The following FSTL5 variants were observed in gnomAD, a reference collection of about 807,000 sequenced individuals.
FSTL5 encodes follistatin like 5.
FSTL5 carries 62 observed loss-of-function variants against 89.1 expected under a neutral mutation model. The observed-to-expected ratio is 0.70, with a 90% CI of 0.57 to 0.86. FSTL5 has a LOEUF of 0.86. Ranked by LOEUF, FSTL5 falls within the 40% of genes least tolerant of loss-of-function variation. The pLI is 0.00. For missense variants in FSTL5, 1,057 were observed against 1,001.6 expected, an observed-to-expected ratio of 1.06 and a Z score of -0.75; for synonymous variants, 383 against 346.2, an observed-to-expected ratio of 1.11 and a Z score of -1.18.
At chr4:161,661,120 T>C (rs1736693606) in intron 6 of FSTL5, among the ~76,000 whole-genome samples, 1 of 151,820 alleles carries the variant, frequency 6.6e-6, no homozygotes, top group Admixed American at 6.6e-5. Context: ...AAAAACGAAA[T>C]ATTATGAATA....
At chr4:161,547,109 G>C (rs1412334402) in intron 8 of FSTL5, among the ~76,000 whole-genome samples, 4 of 152,172 alleles carry the variant, frequency 2.6e-5, no homozygotes, top group Admixed American at 6.6e-5. Flanking sequence ...AAGGGGCAGA[G>C]AGAGGCCCCA....
At chr4:161,650,261 A>C (rs1220526866) in intron 7 of FSTL5, among the ~76,000 whole-genome samples, 1 of 152,216 alleles carries the variant, frequency 6.6e-6, no homozygotes, top group Non-Finnish European at 1.5e-5. Flanking sequence ...TATAAGCCAC[A>C]TTATCATTCG....
At chr4:162,043,439 C>T (rs1444786657) in intron 2 of FSTL5, 1 of 152,062 alleles carries the variant, frequency 6.6e-6, no homozygotes, top group Non-Finnish European at 1.5e-5. Flanking sequence ...TACTTTATTG[C>T]TAAAAAATGC....
rs1485915296 is a variant in FSTL5, at chr4:161,403,607, A to C, written c.1842-17158T>G. ...TTCAGGTTTTATAATAGAAAATTGCACATATGTCTTCTCCAGCAAGAGGGA... is the reference window on the plus strand; with the variant it reads ...TTCAGGTTTTATAATAGAAAATTGCCCATATGTCTTCTCCAGCAAGAGGGA... On this transcript the variant is annotated intron_variant, in intron 15 of 15. Coordinates refer to ENST00000306100, the MANE Select transcript of FSTL5 (RefSeq NM_020116.5). 5.9e-5 allele frequency among the ~76,000 whole-genome samples: 9 copies of C among 152,332 alleles called. No homozygotes were observed. The East Asian group carries it at 1.7e-3, about 29-fold the overall frequency.
chr4:161,720,037 C>T (rs1479053159), intron 6 of FSTL5, among the ~76,000 whole-genome samples: 1 of 151,956 alleles, frequency 6.6e-6, no homozygotes, highest in Non-Finnish European at 1.5e-5. Flanking sequence ...GGCAACAAAG[C>T]AACAATAGAC....
intron 10 of FSTL5, among the ~76,000 whole-genome samples, chr4:161,532,154 G>A (rs1731433535): frequency 6.6e-6 from 1 of 150,980 alleles, no homozygotes; most frequent in Non-Finnish European, 1.5e-5. Context: ...ACAGTGAGCG[G>A]AGATCACGCC....
intron 3 of FSTL5, among the ~76,000 whole-genome samples, chr4:162,023,762 TAGAACTGGGACATCAA>T (rs1220584960): frequency 3.3e-5 from 5 of 152,174 alleles, no homozygotes; most frequent in Non-Finnish European, 7.3e-5. Context: ...AGGTCCATCA[TAGAACTGGGACATCAA>T]AGGATTTGCT....
chr4:162,161,001 C>T (rs1448410852), intron 1 of FSTL5, among the ~76,000 whole-genome samples: 1 of 151,772 alleles, frequency 6.6e-6, no homozygotes, highest in Non-Finnish European at 1.5e-5. Context: ...GATCGATAAC[C>T]CTCAAGAGGT....
chr4:162,092,203 T>A (rs1579020550), intron 2 of FSTL5, among the ~76,000 whole-genome samples: 1 of 152,162 alleles, frequency 6.6e-6, no homozygotes, highest in East Asian at 1.9e-4. Context: ...AATTTTTTAT[T>A]GAAATGTACC....
At chr4:162,098,752 G>T (rs1016386686) in intron 2 of FSTL5, among the ~76,000 whole-genome samples, 1 of 151,966 alleles carries the variant, frequency 6.6e-6, no homozygotes, top group Non-Finnish European at 1.5e-5. Flanking sequence ...CATAATGAGA[G>T]TCCAGAAATA....
chr4:161,862,936 TCTC>T (rs1476533415), intron 4 of FSTL5, among the ~76,000 whole-genome samples: 7 of 152,108 alleles, frequency 4.6e-5, no homozygotes, highest in South Asian at 2.1e-4. Context: ...TATAAAATAT[TCTC>T]CTCATCAAAT....
intron 7 of FSTL5, among the ~76,000 whole-genome samples, chr4:161,648,783 T>A (rs556136419): frequency 6.6e-6 from 1 of 152,314 alleles, no homozygotes; most frequent in African/African-American, 2.4e-5. Flanking sequence ...TTAGCAATAC[T>A]AAAAAGCTGT....
At chr4:161,585,115 G>A (rs549748025) in intron 8 of FSTL5, among the ~76,000 whole-genome samples, 1 of 152,256 alleles carries the variant, frequency 6.6e-6, no homozygotes, top group Admixed American at 6.5e-5. Context: ...ATTCATGGGA[G>A]GGGATGAAAC....
intron 2 of FSTL5, among the ~76,000 whole-genome samples, chr4:162,083,899 G>A (rs1000439444): frequency 3.3e-5 from 5 of 151,552 alleles, no homozygotes; most frequent in Admixed American, 6.6e-5. Flanking sequence ...AAAATTGACT[G>A]GCATGACTAC....
chr4:161,759,302 A>T, intron 6 of FSTL5, 109 bp downstream of exon 6: 2 of 1,025,430 alleles, frequency 2.0e-6, no homozygotes, highest in Non-Finnish European at 2.8e-6. Flanking sequence ...AAATTATATA[A>T]TTTTTCTTAA....
intron 3 of FSTL5, among the ~76,000 whole-genome samples, chr4:162,029,232 C>G (rs1737423887): frequency 6.7e-6 from 1 of 149,274 alleles, no homozygotes; most frequent in African/African-American, 2.5e-5. Flanking sequence ...ATTTATTGTC[C>G]CAAATACACA....
At chr4:162,009,879 A>G (rs1736711657) in intron 3 of FSTL5, among the ~76,000 whole-genome samples, 1 of 152,016 alleles carries the variant, frequency 6.6e-6, no homozygotes, top group African/African-American at 2.4e-5. Context: ...AGCTATAAAG[A>G]TGAAATATAG....
chr4:161,529,195 T>C (rs1731328968), intron 10 of FSTL5, among the ~76,000 whole-genome samples: 1 of 143,372 alleles, frequency 7.0e-6, no homozygotes, highest in Non-Finnish European at 1.5e-5. Flanking sequence ...TCTTGTTAGT[T>C]AATAAAGCCC....
intron 4 of FSTL5, among the ~76,000 whole-genome samples, chr4:161,916,306 G>T (rs1348065): frequency 0.81 from 123,903 of 152,080 alleles, 51,412 homozygotes; most frequent in Non-Finnish European, 0.89. Context: ...TTTGGCATAG[G>T]TTATATCTTA....
Sources: gnomAD v4.1 joint callset for allele counts (sites outside exome capture counted in the v4.1 genomes callset) on GRCh38, gnomAD v4.1.1 for gene constraint, MANE v1.5 for transcripts, NCBI Gene and HGNC (gene_info 2026-07-23, HGNC 2026-07-21) for gene names.